STOX2: variants seen among roughly 807,000 people sequenced by gnomAD.
The protein encoded by STOX2 is storkhead box 2.
Under a neutral mutation model 60.9 loss-of-function variants are expected in STOX2, and 28 were observed. That is an observed-to-expected ratio of 0.46 (90% confidence interval 0.34 to 0.63). STOX2 has a LOEUF of 0.63. STOX2 is among the 30% of genes least tolerant of loss of function. The probability of loss-of-function intolerance (pLI) is 0.01; values close to 1 mark genes in which losing one functional copy is unlikely to be tolerated. For missense variants in STOX2, 1,024 were observed against 1,187.7 expected, an observed-to-expected ratio of 0.86 and a Z score of 2.03; for synonymous variants, 472 against 463.9, an observed-to-expected ratio of 1.02 and a Z score of -0.22.
intron 1 of STOX2, among the ~76,000 whole-genome samples, chr4:183,916,795 C>T (rs1741943682): frequency 2.0e-5 from 3 of 152,160 alleles, no homozygotes; most frequent in African/African-American, 4.8e-5. Flanking sequence ...ACTTTGCAAC[C>T]GTGTCGTCTT....
chr4:183,874,991 A>ATATGTG (rs150927457), intron 1 of STOX2, among the ~76,000 whole-genome samples: 2 of 84,888 alleles, frequency 2.4e-5, no homozygotes, highest in African/African-American at 8.6e-5. Flanking sequence ...ATATATATAT[A>ATATGTG]TAAAACTTAG....
At chr4:183,798,108 G>C (rs1250418821) in intron 1 of STOX2, 6 of 1,218,654 alleles carry the variant, frequency 4.9e-6, no homozygotes, top group Non-Finnish European at 6.1e-6. Context: ...GATCGCGTCC[G>C]TGCCGTGCGG....
chr4:184,004,578 C>T (rs185133443), intron 2 of STOX2, among the ~76,000 whole-genome samples: 1,774 of 151,270 alleles, frequency 0.012, 21 homozygotes, highest in South Asian at 0.023. Context: ...CCAGCCTGGG[C>T]GACAGAGCGA....
chr4:183,911,255 T>C (rs1481622465), intron 1 of STOX2, among the ~76,000 whole-genome samples: 1 of 152,240 alleles, frequency 6.6e-6, no homozygotes, highest in Non-Finnish European at 1.5e-5. Flanking sequence ...CCTATCATCC[T>C]GAAATGTTAC....
At chr4:183,967,254 C>T (rs1464167829) in intron 1 of STOX2, among the ~76,000 whole-genome samples, 2 of 151,606 alleles carry the variant, frequency 1.3e-5, no homozygotes, top group African/African-American at 4.9e-5. Flanking sequence ...CCCAGCTACT[C>T]GGGAGGCTGA....
intron 1 of STOX2, among the ~76,000 whole-genome samples, chr4:183,848,012 A>G (rs1326291360): frequency 6.6e-6 from 1 of 152,210 alleles, no homozygotes; most frequent in African/African-American, 2.4e-5. Flanking sequence ...ATGGAGGGAT[A>G]TTGACTGGCC....
At chr4:183,915,907 G>A (rs1741918732) in intron 1 of STOX2, among the ~76,000 whole-genome samples, 2 of 152,228 alleles carry the variant, frequency 1.3e-5, no homozygotes, top group African/African-American at 4.8e-5. Context: ...CACCCACTGT[G>A]CGGTGCTAGT....
intron 1 of STOX2, among the ~76,000 whole-genome samples, chr4:183,822,576 G>A (rs111867906): frequency 0.014 from 2,110 of 152,214 alleles, 50 homozygotes; most frequent in African/African-American, 0.046. Context: ...CCTCACATGC[G>A]CAGTTCACAA....
At chr4:183,826,677 C>T (rs1490831163) in intron 1 of STOX2, among the ~76,000 whole-genome samples, 2 of 152,222 alleles carry the variant, frequency 1.3e-5, no homozygotes, top group East Asian at 1.9e-4. Context: ...TTTTCCCGAC[C>T]GTGGAATCTG....
rs1222837527 is a variant in STOX2 at position 184,011,212 on chromosome 4, G to A, written c.2374G>A (p.Glu792Lys). The A allele has an allele frequency of 6.2e-7, 1 of 1,607,752 alleles. No homozygotes were observed. Among genetic ancestry groups the A allele is most frequent in the Admixed American group, 1.7e-5 (1 of 58,636 alleles). Residue 792 changes from glutamate to lysine, a missense_variant, in exon 3 of 4, where the codon GAG becomes AAG. Glu to Lys is a moderately conservative substitution (Grantham distance 56). This residue lies in a region of STOX2 where 922 missense variants were observed against 1,058.3 expected (regional missense o/e 0.87). Transcript: ENST00000308497. This position sits in a 1 kb window ranked among gnomAD's most constrained non-coding sequence, Gnocchi z 4.4. ...GGAAGGGGCAAACAAGAACACAGAG[G>A]AGGAGAAAAATAGAGAGGACGTAGG... ...SEEGANKNTE[E>K]EKNREDVGTM... is the part of the protein sequence containing the mutation.
intron 3 of STOX2, chr4:184,014,664 A>G (rs1240797817): frequency 2.0e-5 from 3 of 152,144 alleles, no homozygotes; most frequent in East Asian, 1.9e-4. Flanking sequence ...TTTCATCAGC[A>G]CATCCGGAGC....
rs1047586334 is a variant in STOX2 at position 184,020,276 on chromosome 4, T to A, written c.*2992T>A. 6.6e-6 allele frequency: 1 copy of A among 152,218 alleles called. No individual in the cohort carries two copies. Among genetic ancestry groups the A allele is most frequent in the Admixed American group, 6.5e-5 (1 of 15,276 alleles). 9.4% of individuals were successfully genotyped at this position (152,218 alleles called of 1,614,324 possible). A position where few individuals can be genotyped will look rare whatever the true frequency, so the allele number is the denominator to read the frequency against. On this transcript the variant is annotated 3_prime_UTR_variant, in exon 4 of 4. Transcript: ENST00000308497. ...TTTCTCTTACGCCGCTGTTTGGCTT[T>A]CAGATGTAATCCTGTCTTCTCCTCT...
intron 1 of STOX2, among the ~76,000 whole-genome samples, chr4:183,886,528 A>T (rs1741088110): frequency 6.6e-6 from 1 of 152,162 alleles, no homozygotes; most frequent in African/African-American, 2.4e-5. Flanking sequence ...GAGAAAGGGG[A>T]AAAAAGCTAG....
intron 1 of STOX2, among the ~76,000 whole-genome samples, chr4:183,850,472 T>C (rs1203167597): frequency 6.6e-6 from 1 of 152,012 alleles, no homozygotes; most frequent in Admixed American, 6.6e-5. Flanking sequence ...CTCACACCTG[T>C]AATCCCAGCA....
intron 1 of STOX2, among the ~76,000 whole-genome samples, chr4:183,851,804 A>G (rs201103415): frequency 5.1e-3 from 196 of 38,160 alleles, no homozygotes; most frequent in African/African-American, 0.013. Context: ...AAAGGATGAG[A>G]GAAAGGATGA....
chr4:183,870,201 G>A (rs1740657060), intron 1 of STOX2, among the ~76,000 whole-genome samples: 1 of 152,140 alleles, frequency 6.6e-6, no homozygotes. Context: ...AAATACCAGA[G>A]CCATAGTATG....
intron 1 of STOX2, among the ~76,000 whole-genome samples, chr4:183,942,588 A>T (rs1344549836): frequency 6.6e-6 from 1 of 151,762 alleles, no homozygotes; most frequent in Admixed American, 6.6e-5. Flanking sequence ...TTAAAAAAAA[A>T]GTCATTCCAT....
intron 1 of STOX2, among the ~76,000 whole-genome samples, chr4:183,840,066 G>T (rs771064350): frequency 1.1e-4 from 17 of 152,114 alleles, no homozygotes; most frequent in Non-Finnish European, 2.1e-4. Flanking sequence ...GTGTGTGTGT[G>T]TGTTGGTTGT....
At chr4:183,919,394 G>C (rs1205058707) in intron 1 of STOX2, among the ~76,000 whole-genome samples, 1 of 152,198 alleles carries the variant, frequency 6.6e-6, no homozygotes, top group Non-Finnish European at 1.5e-5. Context: ...GGGCCAGCTA[G>C]AGGTGGGGTT....
Sources: gnomAD v4.1 joint callset for allele counts (sites outside exome capture counted in the v4.1 genomes callset) on GRCh38, gnomAD v4.1.1 for gene constraint, gnomAD v4.1.1 regional missense constraint, Gnocchi (gnomAD v3.1) non-coding constraint, MANE v1.5 for transcripts, NCBI Gene and HGNC (gene_info 2026-07-23, HGNC 2026-07-21) for gene names.